The following TXK variants were observed in gnomAD, a reference collection of about 807,000 sequenced individuals.
TXK encodes the protein tyrosine-protein kinase TXK.
Under a neutral mutation model 81.0 loss-of-function variants are expected in TXK, and 60 were observed. That is an observed-to-expected ratio of 0.74 (90% CI 0.60 to 0.92). TXK has a LOEUF of 0.92. Ranked by LOEUF, TXK falls within the 40% of genes least tolerant of loss-of-function variation. TXK has a pLI of 0.00. For missense variants in TXK, 581 were observed against 638.3 expected, an observed-to-expected ratio of 0.91 and a Z score of 0.97; for synonymous variants, 203 against 210.7, an observed-to-expected ratio of 0.96 and a Z score of 0.32.
chr4:48,095,120 T>G (rs569205410), intron 7 of TXK, 23 bp downstream of exon 7: 3 of 1,567,516 alleles, frequency 1.9e-6, no homozygotes, highest in Admixed American at 3.3e-5. Flanking sequence ...ATTTCTATAG[T>G]AACCAAAATC....
At chr4:48,070,521 C>T (rs1716798530) in intron 14 of TXK, among the ~76,000 whole-genome samples, 1 of 152,150 alleles carries the variant, frequency 6.6e-6, no homozygotes, top group Admixed American at 6.6e-5. Flanking sequence ...GGAAATTTAA[C>T]AAGCCTGGTT....
At chr4:48,111,221 A>G (rs1161796320) in intron 4 of TXK, among the ~76,000 whole-genome samples, 1 of 152,212 alleles carries the variant, frequency 6.6e-6, no homozygotes, top group Non-Finnish European at 1.5e-5. Context: ...GAAATTACAA[A>G]AAGATCTCCA....
At chr4:48,106,399 T>C (rs987446498) in intron 5 of TXK, among the ~76,000 whole-genome samples, 3 of 151,960 alleles carry the variant, frequency 2.0e-5, no homozygotes, top group East Asian at 3.9e-4. Flanking sequence ...TTTTTTTTTT[T>C]TAATATGTAA....
intron 10 of TXK, among the ~76,000 whole-genome samples, chr4:48,083,252 C>T (rs1269728094): frequency 6.6e-6 from 1 of 152,192 alleles, no homozygotes; most frequent in Non-Finnish European, 1.5e-5. Flanking sequence ...TCTGCATGCT[C>T]CCCATCCTGT....
Position 48,113,281 on chromosome 4 carries a change from T to C in TXK, c.100A>G (p.Thr34Ala), listed in dbSNP as rs1718697750. The change falls in exon 3 of 15, where the codon ACA (threonine) becomes GCA (alanine). Residue 34 changes from threonine to alanine, a missense_variant. Transcript: ENST00000264316. ...TATTTTTCTGGAAGCTCTTCATCTG[T>C]GCTCAGGCTTATCTGTGTTCTCATT... is the stretch of plus-strand genomic sequence containing the variant. ...RQMRTQISLSTDEELPEKYTQ... is the reference protein window; with the variant it reads ...RQMRTQISLSADEELPEKYTQ... 6.2e-7 allele frequency: 1 copy of C among 1,612,626 alleles called. No homozygotes were observed. The highest frequency in any genetic ancestry group is 8.5e-7 in the Non-Finnish European group (1 of 1,178,978).
In TXK at chr4:48,086,495, C is replaced by G. The variant is rs1215534486; in HGVS notation, c.927G>C (p.Glu309Asp). The G allele has an allele frequency of 6.2e-7, 1 of 1,614,036 alleles. No homozygotes were observed. The highest frequency in any genetic ancestry group is 8.5e-7 in the Non-Finnish European group (1 of 1,179,972). The change falls in exon 10 of 15, where the codon GAG (glutamate) becomes GAC (aspartate). Residue 309 changes from glutamate to aspartate, a missense_variant. Glu to Asp is a conservative substitution (Grantham distance 45). Coordinates refer to ENST00000264316, the MANE Select transcript of TXK (RefSeq NM_003328.3). Reference protein sequence around the residue: ...KAINEGSMSEEDFIEEAKVMM... With the variant: ...KAINEGSMSEDDFIEEAKVMM... ...TCACTTTGGCCTCTTCAATGAAATCCTCTTCAGACATGGAGCCTTCATTGA... is the reference window on the plus strand; with the variant it reads ...TCACTTTGGCCTCTTCAATGAAATCGTCTTCAGACATGGAGCCTTCATTGA...
chr4:48,104,072 C>T (rs1231363332), intron 6 of TXK, among the ~76,000 whole-genome samples: 3 of 148,118 alleles, frequency 2.0e-5, no homozygotes, highest in African/African-American at 7.5e-5. Flanking sequence ...GGCATGGTGG[C>T]ATACCTGTAG....
chr4:48,127,377 G>A (rs1280244621), intron 1 of TXK, among the ~76,000 whole-genome samples: 1 of 152,216 alleles, frequency 6.6e-6, no homozygotes, highest in East Asian at 1.9e-4. Flanking sequence ...GGTGTTCCCA[G>A]TAAGTAAATA....
At chr4:48,127,520 A>G (rs1021747311) in intron 1 of TXK, among the ~76,000 whole-genome samples, 1 of 152,244 alleles carries the variant, frequency 6.6e-6, no homozygotes, top group Non-Finnish European at 1.5e-5. Context: ...ATGCATATCA[A>G]GGGCCTTTGC....
chr4:48,120,127 G>T (rs977921825), intron 1 of TXK, among the ~76,000 whole-genome samples: 1 of 145,356 alleles, frequency 6.9e-6, no homozygotes, highest in Non-Finnish European at 1.5e-5. Context: ...ACATACATAT[G>T]TATATACATG....
intron 9 of TXK, among the ~76,000 whole-genome samples, 189 bp from the exon 10 acceptor site, chr4:48,086,826 C>A (rs1175618027): frequency 6.6e-6 from 1 of 152,180 alleles, no homozygotes; most frequent in Non-Finnish European, 1.5e-5. Context: ...AGTTTCAAAA[C>A]ACAAACTTTA....
chr4:48,091,089 C>CAG lies in TXK; in HGVS notation c.710-1267_710-1266dup, dbSNP rs535866514. Among the ~76,000 whole-genome samples the CAG allele has an allele frequency of 2.4e-3, 371 of 152,274 alleles. 2 individuals carry two copies. Among genetic ancestry groups the CAG allele is most frequent in the African/African-American group, 8.5e-3 (351 of 41,538 alleles). ...CTCTATCTCAGTGAGAGAAGACAGGCAGAGAGAGGCCATTCTAATGTGAAA... is the reference window on the plus strand; with the variant it reads ...CTCTATCTCAGTGAGAGAAGACAGGCAGAGAGAGAGGCCATTCTAATGTGAAA... On this transcript the variant is annotated intron_variant, in intron 8 of 14. Transcript: ENST00000264316.
chr4:48,120,157 A>ATATGTATG (rs145227560), intron 1 of TXK, among the ~76,000 whole-genome samples: 80,583 of 118,712 alleles, frequency 0.68, 25,126 homozygotes, highest in East Asian at 0.85. Context: ...GTATATATGC[A>ATATGTATG]TATATATGTA....
At chr4:48,099,323 T>G (rs1240148301) in intron 6 of TXK, among the ~76,000 whole-genome samples, 1 of 152,212 alleles carries the variant, frequency 6.6e-6, no homozygotes, top group Non-Finnish European at 1.5e-5. Context: ...AAGAAAACTC[T>G]AAAATGCTCC....
At chr4:48,092,566 C>T (rs1220280643) in intron 8 of TXK, among the ~76,000 whole-genome samples, 1 of 67,492 alleles carries the variant, frequency 1.5e-5, no homozygotes, top group Non-Finnish European at 4.0e-5. Flanking sequence ...ACACATTTTT[C>T]CAAAAGTGTG....
intron 4 of TXK, among the ~76,000 whole-genome samples, chr4:48,112,085 G>T (rs919672098): frequency 6.6e-6 from 1 of 152,190 alleles, no homozygotes; most frequent in Non-Finnish European, 1.5e-5. Context: ...TGACTTGCCC[G>T]GGGACACACA....
chr4:48,088,643 T>G (rs1447602739), intron 9 of TXK, among the ~76,000 whole-genome samples: 1 of 152,246 alleles, frequency 6.6e-6, no homozygotes, highest in African/African-American at 2.4e-5. Context: ...ACTTATGAGT[T>G]GTACACTATT....
At chr4:48,110,436 G>A in intron 5 of TXK, 102 bp downstream of exon 5, 3 of 748,566 alleles carry the variant, frequency 4.0e-6, no homozygotes, top group Non-Finnish European at 6.9e-6. Context: ...GCTGTCAAAT[G>A]TGTTACTTTT....
intron 5 of TXK, among the ~76,000 whole-genome samples, chr4:48,105,633 A>T (rs917953704): frequency 6.6e-6 from 1 of 152,150 alleles, no homozygotes; most frequent in African/African-American, 2.4e-5. Context: ...ACCATTACAC[A>T]ATATACTGTT....
Sources: allele counts gnomAD v4.1 joint callset (sites outside exome capture counted in the v4.1 genomes callset), GRCh38; gene constraint gnomAD v4.1.1; transcripts MANE v1.5; gene names NCBI Gene and HGNC (gene_info 2026-07-23, HGNC 2026-07-21).